RBFOX1: variants seen among roughly 807,000 people sequenced by gnomAD.
The protein encoded by RBFOX1 is RNA binding protein fox-1 homolog 1.
Under a neutral mutation model 57.7 loss-of-function variants are expected in RBFOX1, and 8 were observed. The observed-to-expected ratio is 0.14, with a 90% CI of 0.08 to 0.25. RBFOX1 has a LOEUF of 0.25. Ranked by LOEUF, RBFOX1 falls within the 10% of genes least tolerant of loss-of-function variation. The pLI is 1.00. For synonymous variants in RBFOX1, 326 were observed against 222.4 expected (o/e 1.47, Z -4.15); for missense variants, 611 against 548.5 (o/e 1.11, Z -1.14).
intron 2 of RBFOX1, among the ~76,000 whole-genome samples, chr16:6,431,825 C>G (rs1001439701): frequency 3.9e-5 from 6 of 151,968 alleles, no homozygotes; most frequent in African/African-American, 9.7e-5. Context: ...TAACACTGGT[C>G]ATTTACAGAG....
chr16:5,433,183 G>C lies in RBFOX1; in HGVS notation c.220-34033G>C, dbSNP rs532967681. 2.6e-5 allele frequency among the ~76,000 whole-genome samples: 4 copies of C among 152,308 alleles called. No individual in the cohort carries two copies. The South Asian group carries it at 8.3e-4, about 32-fold the overall frequency. On this transcript the variant is annotated intron_variant, in intron 1 of 2. Transcript: ENST00000585867. ...CACGTGTGAGCCGCTGTGCGTGGCT[G>C]AGGCCCATGTTTTTCTTTGCCTCCT...
At chr16:6,688,205 G>C (rs1018472015) in intron 3 of RBFOX1, among the ~76,000 whole-genome samples, 1 of 152,074 alleles carries the variant, frequency 6.6e-6, no homozygotes, top group Non-Finnish European at 1.5e-5. Context: ...AGAAGCAGGC[G>C]TGTCTTAGGT....
In RBFOX1 at chr16:5,737,211, C is replaced by T. The variant is rs547042957; in HGVS notation, c.319-130092C>T. Among the ~76,000 whole-genome samples the T allele has an allele frequency of 3.3e-5, 5 of 152,150 alleles. No individual in the cohort carries two copies. The East Asian group carries it at 7.8e-4, about 24-fold the overall frequency. On this transcript the variant is annotated intron_variant, in intron 3 of 19. Coordinates refer to the RBFOX1 transcript ENST00000641259. The stretch of plus-strand genomic sequence containing the variant: ...TTAAAAAAAGATTCTGGGCTGGGTG[C>T]AGTTGCTCACGCCTGTAATCCCAGC...
chr16:6,460,725 C>T (rs572852395), intron 2 of RBFOX1, among the ~76,000 whole-genome samples: 1 of 151,756 alleles, frequency 6.6e-6, no homozygotes, highest in Admixed American at 6.6e-5. Context: ...ATACCATTTG[C>T]TGCAGCAATC....
intron 3 of RBFOX1, among the ~76,000 whole-genome samples, chr16:6,777,616 T>C (rs985242578): frequency 1.3e-5 from 2 of 152,164 alleles, no homozygotes; most frequent in Non-Finnish European, 2.9e-5. Context: ...GATGGAAATT[T>C]CACACGTTAT....
chr16:6,559,135 A>G lies in RBFOX1; in HGVS notation c.-63-95468A>G, dbSNP rs559832294. 7.3e-4 allele frequency among the ~76,000 whole-genome samples: 109 copies of G among 149,612 alleles called. No individual in the cohort carries two copies. The East Asian group carries it at 0.011, about 15-fold the overall frequency. On this transcript the variant is annotated intron_variant, in intron 2 of 15. Transcript: ENST00000550418. The stretch of plus-strand genomic sequence containing the variant: ...TATGTGTGTGTGTGTGTGTGTGTGT[A>G]TATACATATGTGTATATATATGACT...
chr16:7,370,872 C>A (rs1368494190), intron 4 of RBFOX1, among the ~76,000 whole-genome samples: 1 of 152,162 alleles, frequency 6.6e-6, no homozygotes, highest in African/African-American at 2.4e-5. Context: ...GACATTTATG[C>A]ATAAAATGCT....
intron 2 of RBFOX1, among the ~76,000 whole-genome samples, chr16:6,359,715 C>A (rs1160924770): frequency 6.6e-6 from 1 of 152,154 alleles, no homozygotes; most frequent in African/African-American, 2.4e-5. Flanking sequence ...CTACTGTCTT[C>A]CACGAAGGGA....
intron 1 of RBFOX1, among the ~76,000 whole-genome samples, chr16:5,292,724 A>G (rs2063565378): frequency 6.6e-6 from 1 of 152,002 alleles, no homozygotes; most frequent in Non-Finnish European, 1.5e-5. Context: ...CACTGGTTCA[A>G]GCGATTCTCC....
chr16:5,456,655 A>C (rs1340766696), intron 1 of RBFOX1, among the ~76,000 whole-genome samples: 1 of 152,196 alleles, frequency 6.6e-6, no homozygotes, highest in East Asian at 1.9e-4. Flanking sequence ...ATATTTCTTG[A>C]ATCTGCCCAT....
At chr16:7,010,904 G>C (rs568639740) in intron 3 of RBFOX1, among the ~76,000 whole-genome samples, 4 of 152,304 alleles carry the variant, frequency 2.6e-5, no homozygotes, top group Admixed American at 6.5e-5. Context: ...GCAGAAGATA[G>C]TGTGCTGATA....
chr16:6,979,318 C>G (rs1240870341), intron 3 of RBFOX1, among the ~76,000 whole-genome samples: 1 of 152,178 alleles, frequency 6.6e-6, no homozygotes, highest in African/African-American at 2.4e-5. Flanking sequence ...GATATAATAG[C>G]ATTCAGTTGA....
intron 2 of RBFOX1, among the ~76,000 whole-genome samples, chr16:6,537,913 G>T (rs1378674657): frequency 1.3e-5 from 2 of 151,668 alleles, no homozygotes; most frequent in African/African-American, 2.4e-5. Context: ...TGGAAGAACC[G>T]GCCTAAAGAG....
chr16:7,511,460 G>A (rs2075063856), intron 4 of RBFOX1, among the ~76,000 whole-genome samples: 1 of 152,034 alleles, frequency 6.6e-6, no homozygotes, highest in Admixed American at 6.6e-5. Context: ...GATATTTCAG[G>A]GACCAAAGAA....
At chr16:6,522,726 A>C (rs1318429127) in intron 2 of RBFOX1, among the ~76,000 whole-genome samples, 1 of 152,148 alleles carries the variant, frequency 6.6e-6, no homozygotes, top group Non-Finnish European at 1.5e-5. Flanking sequence ...TATTTTGGTA[A>C]AGGAGACTGA....
intron 2 of RBFOX1, among the ~76,000 whole-genome samples, chr16:6,602,772 T>C (rs1172040833): frequency 6.6e-6 from 1 of 152,174 alleles, no homozygotes; most frequent in Non-Finnish European, 1.5e-5. Context: ...TGCATTCCTC[T>C]TGCTATCATT....
rs542415235 is a variant in RBFOX1 at position 7,002,815 on chromosome 16, C to T, written c.-15-49242C>T. ...TTTGAGGAATGTGTTGTGGTAGATG[C>T]TATATAATAAAGGGAAATTAGGCTG... On this transcript the variant is annotated intron_variant, in intron 3 of 15. Transcript: ENST00000550418. Among the ~76,000 whole-genome samples the T allele has an allele frequency of 5.9e-5, 9 of 152,262 alleles. No individual in the cohort carries two copies. The South Asian group carries it at 1.9e-3, about 32-fold the overall frequency.
At chr16:5,712,111 C>G (rs2051510147) in intron 3 of RBFOX1, among the ~76,000 whole-genome samples, 1 of 152,162 alleles carries the variant, frequency 6.6e-6, no homozygotes, top group African/African-American at 2.4e-5. Context: ...CTGTATAAAA[C>G]CATTACATCT....
intron 1 of RBFOX1, among the ~76,000 whole-genome samples, chr16:6,165,503 C>G (rs186159549): frequency 2.0e-5 from 3 of 152,234 alleles, no homozygotes; most frequent in Admixed American, 1.3e-4. Context: ...ATGAGAGTTC[C>G]AAACCTAATA....
Sources: allele counts gnomAD v4.1 joint callset (sites outside exome capture counted in the v4.1 genomes callset), GRCh38; gene constraint gnomAD v4.1.1; transcripts MANE v1.5; gene names NCBI Gene and HGNC (gene_info 2026-07-23, HGNC 2026-07-21).